The following ISM1 variants were observed in gnomAD, a reference collection of about 807,000 sequenced individuals.
ISM1 encodes the protein isthmin 1.
A neutral mutation model predicts 46.3 loss-of-function variants in ISM1; 25 were observed. The observed-to-expected ratio is 0.54, with a 90% CI of 0.39 to 0.75. The LOEUF (loss-of-function observed/expected upper bound fraction) is 0.75, where lower values mean the gene tolerates loss of function less well. Among genes scored for constraint, ISM1 ranks in the 30% least tolerant of loss-of-function variants. The pLI is 0.00. For missense variants in ISM1, 536 were observed against 625.4 expected (o/e 0.86, Z 1.52); for synonymous variants, 255 against 256.7 (o/e 0.99, Z 0.06).
In ISM1 at chr20:13,227,657, C is replaced by T. The variant is rs551183799; in HGVS notation, c.138+5743C>T. ...CCGGGTAGCTGGGACTACAGGCGCC[C>T]GCCACCATGCCTGGCTAATTTTTTG... is the stretch of plus-strand genomic sequence containing the variant. On this transcript the variant is annotated intron_variant, in intron 1 of 5. Coordinates refer to ENST00000262487, the MANE Select transcript of ISM1 (RefSeq NM_080826.2). 3.9e-3 allele frequency among the ~76,000 whole-genome samples: 583 copies of T among 149,094 alleles called. 5 individuals carry two copies. The highest frequency in any genetic ancestry group is 0.016 in the Middle Eastern group (4 of 258).
chr20:13,225,021 T>TTC (rs1296789848), intron 1 of ISM1, among the ~76,000 whole-genome samples: 9 of 150,768 alleles, frequency 6.0e-5, no homozygotes, highest in Non-Finnish European at 1.2e-4. Flanking sequence ...AATTTTTTTT[T>TTC]TTTTTGTATT....
chr20:13,243,456 G>A (rs781759473), intron 1 of ISM1, among the ~76,000 whole-genome samples: 1 of 152,176 alleles, frequency 6.6e-6, no homozygotes, highest in Non-Finnish European at 1.5e-5. Context: ...TAGAAAGCTA[G>A]CCCTCTCTGC....
chr20:13,279,651 C>A lies in ISM1; in HGVS notation c.396C>A (p.Val132=), dbSNP rs375525780. 1.2e-6 allele frequency: 2 copies of A among 1,613,484 alleles called. No individual in the cohort carries two copies. Among genetic ancestry groups the A allele is most frequent in the Non-Finnish European group, 1.7e-6 (2 of 1,179,714 alleles). The change falls in exon 3 of 6, where the codon GTC becomes GTA. Residue 132 remains valine (V), a synonymous_variant. Transcript: ENST00000262487. ...NPNIQVTIEV[V]DGPDSEADKD... is the part of the protein sequence containing the mutation. ...TTCTTCAGGTCACCATAGAGGTGGTCGACGGTCCTGACTCTGAAGCAGATA... is the reference window on the plus strand; with the variant it reads ...TTCTTCAGGTCACCATAGAGGTGGTAGACGGTCCTGACTCTGAAGCAGATA...
rs961369508 is a variant in ISM1, at chr20:13,299,935, G to C, written c.*476G>C. The stretch of plus-strand genomic sequence containing the variant: ...AATCACGTCTGTGAGAGATCAGAAA[G>C]AAAGAGACTTAGGGAAGTGGAAGAG... On this transcript the variant is annotated 3_prime_UTR_variant, in exon 6 of 6. Transcript: ENST00000262487. This position sits in a 1 kb window ranked among gnomAD's most constrained non-coding sequence, Gnocchi z 5.8. 2.8e-4 allele frequency: 43 copies of C among 153,160 alleles called. No homozygotes were observed. Among genetic ancestry groups the C allele is most frequent in the African/African-American group, 1.0e-3 (42 of 41,480 alleles). The allele number at this position is 153,160 out of a possible 1,614,324, so 9.5% of individuals were successfully genotyped here. A position where few individuals can be genotyped will look rare whatever the true frequency, so the allele number is the denominator to read the frequency against.
intron 1 of ISM1, among the ~76,000 whole-genome samples, chr20:13,251,075 G>A (rs2039863446): frequency 6.6e-6 from 1 of 152,022 alleles, no homozygotes; most frequent in Non-Finnish European, 1.5e-5. Context: ...TAGCTGTTCT[G>A]CTCCTTGGAT....
At position 13,221,874 on chromosome 20, in the gene ISM1, C is replaced by A; in HGVS notation, c.98C>A (p.Pro33His). ...CGCGGCTCGGGAGCCGCCGACGGGC[C>A]CGACGCGGCCGCGGGCAACGCCAGC... ...VLRGSGAADG[P>H]DAAAGNASQA... The change falls in exon 1 of 6, where the codon CCC becomes CAC. Residue 33 changes from proline (P) to histidine (H), a missense_variant. Physicochemically the swap from Pro to His is moderately conservative, Grantham distance 77 (BLOSUM62 -2). Transcript: ENST00000262487. 7.1e-7 allele frequency: 1 copy of A among 1,413,888 alleles called. No individual in the cohort carries two copies. The highest frequency in any genetic ancestry group is 9.2e-7 in the Non-Finnish European group (1 of 1,089,768). 87.6% of individuals were successfully genotyped at this position (1,413,888 alleles called of 1,614,324 possible).
intron 1 of ISM1, among the ~76,000 whole-genome samples, chr20:13,250,158 C>T (rs1046273994): frequency 1.2e-4 from 18 of 152,154 alleles, no homozygotes; most frequent in African/African-American, 3.9e-4. Context: ...TGCCATGAAA[C>T]GACCACGTTG....
At chr20:13,268,344 CTTCCTCT>C in intron 1 of ISM1, among the ~76,000 whole-genome samples, 1 of 55,946 alleles carries the variant, frequency 1.8e-5, no homozygotes, top group Non-Finnish European at 3.7e-5. Context: ...TCTCCTTCTT[CTTCCTCT>C]CTCTCTCTCT....
chr20:13,242,428 A>G (rs1216371301), intron 1 of ISM1, among the ~76,000 whole-genome samples: 1 of 152,214 alleles, frequency 6.6e-6, no homozygotes, highest in Non-Finnish European at 1.5e-5. Flanking sequence ...CATGGAACCA[A>G]GAAGATCCAG....
At chr20:13,259,737 A>T (rs1306531000) in intron 1 of ISM1, among the ~76,000 whole-genome samples, 2 of 152,254 alleles carry the variant, frequency 1.3e-5, no homozygotes, top group African/African-American at 2.4e-5. Context: ...ATAAGTTAAC[A>T]TGTAACTTTT....
At chr20:13,316,211 T>C in the ISM1 span, among the ~76,000 whole-genome samples, 1 of 151,902 alleles carries the variant, frequency 6.6e-6, no homozygotes, top group African/African-American at 2.4e-5. Flanking sequence ...GATCAATTCC[T>C]GGAAAAACAC....
chr20:13,297,629 G>A (rs937080993), intron 5 of ISM1, among the ~76,000 whole-genome samples: 4 of 152,132 alleles, frequency 2.6e-5, no homozygotes, highest in Non-Finnish European at 4.4e-5. Flanking sequence ...GGGGACCTTC[G>A]GCCCTGTCCA....
At chr20:13,305,834 T>C in the ISM1 span, among the ~76,000 whole-genome samples, 1 of 152,216 alleles carries the variant, frequency 6.6e-6, no homozygotes. Context: ...AATGCATACC[T>C]TTTTTCTTTT....
intron 5 of ISM1, 133 bp downstream of exon 5, chr20:13,292,596 T>C: frequency 1.5e-6 from 1 of 645,220 alleles, no homozygotes; most frequent in Non-Finnish European, 2.7e-6. Context: ...TCCCAGCATG[T>C]GTCTTGCTTG....
chr20:13,252,374 G>A (rs961250506), intron 1 of ISM1, among the ~76,000 whole-genome samples: 53 of 152,320 alleles, frequency 3.5e-4, no homozygotes, highest in African/African-American at 1.2e-3. Context: ...AAAGTTAGGT[G>A]TTGGATGGTC....
chr20:13,289,617 A>G (rs1341848283), intron 4 of ISM1, among the ~76,000 whole-genome samples: 3 of 151,762 alleles, frequency 2.0e-5, no homozygotes, highest in African/African-American at 4.8e-5. Context: ...GAAGAAAGAG[A>G]AGGAGGAGGA....
At chr20:13,223,192 T>TAAAATA (rs775917447) in intron 1 of ISM1, among the ~76,000 whole-genome samples, 37 of 148,614 alleles carry the variant, frequency 2.5e-4, no homozygotes, top group African/African-American at 8.9e-4. Flanking sequence ...TAAAATAAAA[T>TAAAATA]AAATAAATAA....
the ISM1 span, among the ~76,000 whole-genome samples, chr20:13,322,297 T>C: frequency 6.6e-6 from 1 of 152,148 alleles, no homozygotes; most frequent in Non-Finnish European, 1.5e-5. Context: ...CTCCTGGGTG[T>C]CCAGACCTAG....
chr20:13,326,078 G>C, the ISM1 span, among the ~76,000 whole-genome samples: 1 of 152,106 alleles, frequency 6.6e-6, no homozygotes, highest in Non-Finnish European at 1.5e-5. Context: ...TTACCTTTTT[G>C]TGAGTGGTTT....
Sources: allele counts gnomAD v4.1 joint callset (sites outside exome capture counted in the v4.1 genomes callset), GRCh38; gene constraint gnomAD v4.1.1; non-coding constraint Gnocchi (gnomAD v3.1); transcripts MANE v1.5; gene names NCBI Gene and HGNC (gene_info 2026-07-23, HGNC 2026-07-21).